TNS3: variants seen among roughly 807,000 people sequenced by gnomAD.
TNS3 encodes the protein tensin-3.
TNS3 carries 45 observed loss-of-function variants against 140.9 expected under a neutral mutation model. The observed-to-expected ratio is 0.32, with a 90% confidence interval of 0.25 to 0.41. The LOEUF is 0.41. Ranked by LOEUF, TNS3 falls within the 10% of genes least tolerant of loss-of-function variation. The pLI is 1.00. For missense variants in TNS3, 1,716 were observed against 1,906.7 expected (o/e 0.90, Z 1.86); for synonymous variants, 815 against 788.4 (o/e 1.03, Z -0.56).
At chr7:47,430,480 C>T (rs1322882281) in intron 8 of TNS3, among the ~76,000 whole-genome samples, 1 of 152,042 alleles carries the variant, frequency 6.6e-6, no homozygotes, top group Admixed American at 6.6e-5. Flanking sequence ...ATACCACAAC[C>T]GTACGGGACT....
intron 20 of TNS3, among the ~76,000 whole-genome samples, chr7:47,308,509 A>G (rs1035346213): frequency 2.0e-5 from 3 of 152,106 alleles, no homozygotes; most frequent in African/African-American, 7.2e-5. Context: ...ATTGCCTGGT[A>G]ATTTTTGATT....
intron 16 of TNS3, among the ~76,000 whole-genome samples, chr7:47,395,266 C>T (rs1792762449): frequency 6.6e-6 from 1 of 152,188 alleles, no homozygotes; most frequent in South Asian, 2.1e-4. Flanking sequence ...TGGTAAAATC[C>T]ACTCGCCTCA....
intron 1 of TNS3, among the ~76,000 whole-genome samples, chr7:47,538,157 C>T (rs1353572075): frequency 6.6e-6 from 1 of 152,168 alleles, no homozygotes; most frequent in African/African-American, 2.4e-5. Context: ...CACTTAGAAA[C>T]GCCAGGAGGA....
intron 2 of TNS3, among the ~76,000 whole-genome samples, chr7:47,513,385 T>C (rs1168177441): frequency 1.3e-5 from 2 of 152,108 alleles, no homozygotes; most frequent in African/African-American, 4.8e-5. Context: ...CCCAGGCTGG[T>C]CTTGAACTCC....
At chr7:47,409,233 G>C (rs1417325908) in intron 13 of TNS3, among the ~76,000 whole-genome samples, 1 of 152,068 alleles carries the variant, frequency 6.6e-6, no homozygotes, top group Non-Finnish European at 1.5e-5. Flanking sequence ...GCTGGGAAGA[G>C]AGGAGAGGAG....
chr7:47,525,152 T>C (rs796327673), intron 2 of TNS3, among the ~76,000 whole-genome samples: 41 of 152,296 alleles, frequency 2.7e-4, no homozygotes, highest in African/African-American at 9.6e-4. Flanking sequence ...CCCCGCTGCT[T>C]GTCCATGTTG....
intron 16 of TNS3, among the ~76,000 whole-genome samples, chr7:47,386,765 G>T (rs1244651726): frequency 6.6e-6 from 1 of 152,248 alleles, no homozygotes; most frequent in African/African-American, 2.4e-5. Context: ...CTATCGGCAA[G>T]ATAAACTGAG....
intron 3 of TNS3, among the ~76,000 whole-genome samples, chr7:47,495,693 A>G (rs1338728228): frequency 6.6e-6 from 1 of 152,220 alleles, no homozygotes; most frequent in Non-Finnish European, 1.5e-5. Flanking sequence ...GGACTGCCAG[A>G]AAGTCCCGGA....
At chr7:47,474,950 C>G (rs1797130473) in intron 4 of TNS3, among the ~76,000 whole-genome samples, 1 of 150,414 alleles carries the variant, frequency 6.6e-6, no homozygotes, top group African/African-American at 2.4e-5. Context: ...CACAATACAA[C>G]ACATGCAACA....
At chr7:47,350,931 G>A (rs1789633370) in intron 17 of TNS3, among the ~76,000 whole-genome samples, 1 of 152,210 alleles carries the variant, frequency 6.6e-6, no homozygotes, top group Non-Finnish European at 1.5e-5. Context: ...CATGTGTAGT[G>A]TGGTTTCATT....
At chr7:47,353,228 G>A (rs893569443) in intron 17 of TNS3, among the ~76,000 whole-genome samples, 4 of 152,192 alleles carry the variant, frequency 2.6e-5, no homozygotes, top group African/African-American at 7.2e-5. Context: ...CAGCTCCAAA[G>A]TCTGTCCAAG....
At chr7:47,298,290 G>C (rs1786170699) in intron 23 of TNS3, among the ~76,000 whole-genome samples, 1 of 152,310 alleles carries the variant, frequency 6.6e-6, no homozygotes, top group African/African-American at 2.4e-5. Flanking sequence ...CCATGTGCCC[G>C]CCAACCCAGG....
chr7:47,542,802 C>T (rs143518262), intron 1 of TNS3, among the ~76,000 whole-genome samples: 6,748 of 151,556 alleles, frequency 0.045, 511 homozygotes, highest in African/African-American at 0.15. Flanking sequence ...TGGTGGTGGG[C>T]GCCTGTAATC....
rs1448488179 is a variant in TNS3 at position 47,283,764 on chromosome 7, G to T, written c.4030C>A (p.Pro1344Thr). 1 of 1,611,904 alleles carries T rather than the reference G, an allele frequency of 6.2e-7. No individual in the cohort carries two copies. The highest frequency in any genetic ancestry group is 8.5e-7 in the Non-Finnish European group (1 of 1,178,986). ...LSITLVQEPP[P>T]VSTVVHFKVS... ...TTGAAGTGCACAACTGTGGACACAG[G>T]TGGAGGCTCCTGGACCAGGGTGATG... Residue 1344 changes from proline (P) to threonine (T), a missense_variant, in exon 28 of 31, where the codon CCT (proline) becomes ACT (threonine). This residue lies in a region of TNS3 where 216 missense variants were observed against 295.7 expected (regional missense o/e 0.73). Coordinates refer to ENST00000311160, the MANE Select transcript of TNS3 (RefSeq NM_022748.12).
chr7:47,526,542 T>A (rs1355066009), intron 2 of TNS3, among the ~76,000 whole-genome samples: 1 of 152,228 alleles, frequency 6.6e-6, no homozygotes, highest in Non-Finnish European at 1.5e-5. Flanking sequence ...TGAGGAGACT[T>A]TGCCCCTGTC....
In TNS3 at chr7:47,369,498, C is replaced by A. The variant is rs1483934114; in HGVS notation, c.1148G>T (p.Ser383Ile). The A allele has an allele frequency of 6.2e-7, 1 of 1,614,166 alleles. No individual in the cohort carries two copies. The highest frequency in any genetic ancestry group is 8.5e-7 in the Non-Finnish European group (1 of 1,180,038). ...ACTGCTGACAGACAAGGTGTGGTCA[C>A]TGTGGTCTGGGCTGTTGGTGGCCGG... ...AIPATNSPDHSDHTLSVSSDS... is the reference protein window; with the variant it reads ...AIPATNSPDHIDHTLSVSSDS... The change falls in exon 17 of 31, where the codon AGT (serine) becomes ATT (isoleucine). Residue 383 changes from serine (S) to isoleucine (I), a missense_variant. By Grantham distance (142) the Ser-to-Ile change is moderately radical. This residue lies in a region of TNS3 where 1,163 missense variants were observed against 1,182.1 expected (regional missense o/e 0.98). Transcript: ENST00000311160.
intron 2 of TNS3, among the ~76,000 whole-genome samples, chr7:47,526,055 C>T (rs905150087): frequency 1.3e-5 from 2 of 152,246 alleles, no homozygotes; most frequent in African/African-American, 4.8e-5. Flanking sequence ...CCGTCCAAGA[C>T]GTGCTTGCGC....
intron 20 of TNS3, among the ~76,000 whole-genome samples, 192 bp downstream of exon 20, chr7:47,344,563 T>G (rs551127721): frequency 5.3e-5 from 8 of 152,330 alleles, no homozygotes; most frequent in Admixed American, 4.6e-4. Context: ...CAAGGCCAGG[T>G]TGCCACCACA....
At position 47,304,924 on chromosome 7, in the gene TNS3, G is replaced by A; in HGVS notation, c.2730C>T (p.Leu910=). Residue 910 remains leucine (L), a synonymous_variant, in exon 21 of 31, where the codon CTC becomes CTT. Coordinates refer to ENST00000311160, the MANE Select transcript of TNS3 (RefSeq NM_022748.12). The part of the protein sequence containing the change: ...ESPIGPKSTM[L]RADASSTPSF... ...AGGGCGTCGAGGACGCATCAGCCCG[G>A]AGCATCGTGGATTTGGGTCCGATGG... The A allele has an allele frequency of 7.0e-7, 1 of 1,436,920 alleles. No homozygotes were observed. Among genetic ancestry groups the A allele is most frequent in the Non-Finnish European group, 9.2e-7 (1 of 1,081,254 alleles). The allele number at this position is 1,436,920 out of a possible 1,614,324, so 89.0% of individuals were successfully genotyped here. A position where few individuals can be genotyped will look rare whatever the true frequency, so the allele number is the denominator to read the frequency against.
Sources: gnomAD v4.1 joint callset for allele counts (sites outside exome capture counted in the v4.1 genomes callset) on GRCh38, gnomAD v4.1.1 for gene constraint, gnomAD v4.1.1 regional missense constraint, MANE v1.5 for transcripts, NCBI Gene and HGNC (gene_info 2026-07-23, HGNC 2026-07-21) for gene names.